CMSS1: variants seen among roughly 807,000 people sequenced by gnomAD.
CMSS1 encodes protein CMSS1.
Under a neutral mutation model 43.5 loss-of-function variants are expected in CMSS1, and 33 were observed. That is an observed-to-expected ratio of 0.76 (90% CI 0.57 to 1.01). The LOEUF (loss-of-function observed/expected upper bound fraction) is 1.01. CMSS1 is among the 50% of genes least tolerant of loss of function. The probability of loss-of-function intolerance (pLI) is 0.00; values close to 1 mark genes in which losing one functional copy is unlikely to be tolerated. For synonymous variants in CMSS1, 115 were observed against 117.2 expected (o/e 0.98, Z 0.12); for missense variants, 313 against 326.4 (o/e 0.96, Z 0.32).
At chr3:100,109,257 A>G (rs1048957176) in intron 1 of CMSS1, among the ~76,000 whole-genome samples, 9 of 152,144 alleles carry the variant, frequency 5.9e-5, no homozygotes, top group African/African-American at 1.9e-4. Flanking sequence ...CAAGAATTCC[A>G]TACAACACCA....
chr3:99,925,305 T>G lies in CMSS1; in HGVS notation c.64+107262T>G, dbSNP rs1707257021. 2.6e-5 allele frequency among the ~76,000 whole-genome samples: 4 copies of G among 152,196 alleles called. No homozygotes were observed. The South Asian group carries it at 8.3e-4, about 32-fold the overall frequency. On this transcript the variant is annotated intron_variant, in intron 1 of 9. Transcript: ENST00000421999. ...ATTTTCACAGCACTATACTTACATC[T>G]TTTTTACAAAATGATCAACCTGTGG...
intron 9 of CMSS1, 22 bp downstream of exon 9, chr3:100,176,437 C>A (rs1446381952): frequency 6.6e-7 from 1 of 1,512,066 alleles, no homozygotes; most frequent in Non-Finnish European, 9.2e-7. Context: ...CCAGCAGTTG[C>A]CTTTAATCAT....
At chr3:100,165,106 T>G (rs1385205826) in intron 4 of CMSS1, among the ~76,000 whole-genome samples, 1 of 152,168 alleles carries the variant, frequency 6.6e-6, no homozygotes, top group Non-Finnish European at 1.5e-5. Flanking sequence ...CAAGAGATTC[T>G]AATTCACTAT....
intron 1 of CMSS1, among the ~76,000 whole-genome samples, chr3:100,126,977 G>A (rs1423145352): frequency 2.6e-5 from 4 of 151,082 alleles, no homozygotes; most frequent in South Asian, 2.1e-4. Context: ...TAGCCTGGGC[G>A]ACAGAGTGAG....
intron 1 of CMSS1, among the ~76,000 whole-genome samples, chr3:100,019,801 A>G (rs552271478): frequency 6.6e-6 from 1 of 152,304 alleles, no homozygotes; most frequent in South Asian, 2.1e-4. Context: ...ATAATTTTTC[A>G]TCATATTGTC....
chr3:99,834,551 A>T (rs1383670833), intron 1 of CMSS1, among the ~76,000 whole-genome samples: 1 of 152,176 alleles, frequency 6.6e-6, no homozygotes, highest in East Asian at 1.9e-4. Context: ...ATGTAGCAAT[A>T]CTTTGTTAAA....
intron 1 of CMSS1, among the ~76,000 whole-genome samples, chr3:100,050,568 A>G (rs750402024): frequency 6.6e-6 from 1 of 152,022 alleles, no homozygotes; most frequent in African/African-American, 2.4e-5. Context: ...GTCTCGCTCT[A>G]TTGCCCAGGC....
chr3:99,984,127 A>C (rs1421581066), intron 1 of CMSS1, among the ~76,000 whole-genome samples: 1 of 151,584 alleles, frequency 6.6e-6, no homozygotes, highest in Non-Finnish European at 1.5e-5. Flanking sequence ...GAAATAATTG[A>C]TCCATAGTTC....
intron 1 of CMSS1, among the ~76,000 whole-genome samples, chr3:100,043,520 G>A (rs755418806): frequency 6.6e-6 from 1 of 152,078 alleles, no homozygotes; most frequent in East Asian, 1.9e-4. Context: ...TTTGCTGTGG[G>A]AGACAGGCTC....
intron 1 of CMSS1, among the ~76,000 whole-genome samples, chr3:99,819,787 C>G (rs1942397085): frequency 6.6e-6 from 1 of 150,746 alleles, no homozygotes; most frequent in South Asian, 2.1e-4. Context: ...CGGAGTCTCC[C>G]TCTGTCGCCC....
intron 1 of CMSS1, among the ~76,000 whole-genome samples, chr3:99,947,106 C>A (rs1174500327): frequency 1.5e-5 from 2 of 131,442 alleles, no homozygotes; most frequent in African/African-American, 3.1e-5. Context: ...CCACTGCACT[C>A]CAGCCTGGGC....
intron 1 of CMSS1, among the ~76,000 whole-genome samples, chr3:100,136,868 G>T (rs1419716172): frequency 6.6e-6 from 1 of 152,194 alleles, no homozygotes; most frequent in East Asian, 1.9e-4. Flanking sequence ...GAAAAAATGT[G>T]CAGAAGCAAT....
At chr3:99,884,069 G>T (rs1171230222) in intron 1 of CMSS1, among the ~76,000 whole-genome samples, 3 of 152,206 alleles carry the variant, frequency 2.0e-5, no homozygotes, top group African/African-American at 7.2e-5. Flanking sequence ...AGGAGAGTGA[G>T]AATGGATCTT....
chr3:100,006,867 C>T (rs1710003297), intron 1 of CMSS1, among the ~76,000 whole-genome samples: 1 of 152,192 alleles, frequency 6.6e-6, no homozygotes, highest in African/African-American at 2.4e-5. Flanking sequence ...ATTACTAAAC[C>T]ACTGCAAGCT....
At position 100,078,078 on chromosome 3, in the gene CMSS1, T is replaced by TA. The variant is rs538006223; in HGVS notation, c.65-68883dup. Among the ~76,000 whole-genome samples the TA allele has an allele frequency of 6.9e-3, 1,004 of 146,042 alleles. 8 individuals carry two copies. Among genetic ancestry groups the TA allele is most frequent in the African/African-American group, 0.022 (864 of 39,990 alleles). On this transcript the variant is annotated intron_variant, in intron 1 of 9. Coordinates refer to ENST00000421999, the MANE Select transcript of CMSS1 (RefSeq NM_032359.4). ...TTATAAGTTAGAATTGGGCTTGCTT[T>TA]AAAAAAAAAAAAGATAATATATGCT...
At chr3:100,093,916 A>G (rs1251893612) in intron 1 of CMSS1, among the ~76,000 whole-genome samples, 1 of 152,214 alleles carries the variant, frequency 6.6e-6, no homozygotes, top group Non-Finnish European at 1.5e-5. Flanking sequence ...TAAAACCACC[A>G]TAAAGATTTG....
intron 1 of CMSS1, chr3:100,041,483 A>T (rs1425726688): frequency 6.6e-6 from 1 of 152,110 alleles, no homozygotes; most frequent in Non-Finnish European, 1.5e-5. Context: ...TAGCCCTGTT[A>T]TATCAGTGTT....
chr3:99,841,367 G>T (rs1208623076), intron 1 of CMSS1, among the ~76,000 whole-genome samples: 1 of 152,196 alleles, frequency 6.6e-6, no homozygotes, highest in Non-Finnish European at 1.5e-5. Flanking sequence ...GAAAAATAAT[G>T]TAGATAACCA....
At chr3:100,114,630 A>C (rs1276907789) in intron 1 of CMSS1, 1 of 209,546 alleles carries the variant, frequency 4.8e-6, no homozygotes, top group African/African-American at 2.3e-5. Context: ...TCATGTGCAC[A>C]TCTTGGCTGA....
Sources: allele counts gnomAD v4.1 joint callset (sites outside exome capture counted in the v4.1 genomes callset), GRCh38; gene constraint gnomAD v4.1.1; transcripts MANE v1.5; gene names NCBI Gene and HGNC (gene_info 2026-07-23, HGNC 2026-07-21).